The following GPC5 variants were observed in gnomAD, a reference collection of about 807,000 sequenced individuals.
GPC5 encodes the protein glypican-5.
A neutral mutation model predicts 53.9 loss-of-function variants in GPC5; 47 were observed. That is an observed-to-expected ratio of 0.87 (90% CI 0.69 to 1.11). GPC5 has a LOEUF of 1.11. GPC5 is among the 50% of genes most tolerant of loss of function. GPC5 has a pLI of 0.00. For synonymous variants in GPC5, 286 were observed against 263.3 expected (o/e 1.09, Z -0.84); for missense variants, 748 against 713.1 (o/e 1.05, Z -0.56).
chr13:92,638,243 T>C (rs1220870661), intron 7 of GPC5, among the ~76,000 whole-genome samples: 1 of 152,202 alleles, frequency 6.6e-6, no homozygotes, highest in African/African-American at 2.4e-5. Context: ...CCAAAGTCTC[T>C]TATTTTCTTG....
chr13:92,010,929 A>G (rs1439742280), intron 6 of GPC5, among the ~76,000 whole-genome samples: 1 of 152,198 alleles, frequency 6.6e-6, no homozygotes, highest in Non-Finnish European at 1.5e-5. Context: ...CTATAAGACA[A>G]TATTTCTTAA....
intron 7 of GPC5, among the ~76,000 whole-genome samples, chr13:92,476,732 A>C (rs1434784142): frequency 1.3e-5 from 2 of 149,354 alleles, no homozygotes; most frequent in Admixed American, 6.6e-5. Flanking sequence ...TGATGAGTTC[A>C]TGTCCTTTGT....
At chr13:91,830,414 C>T (rs1228024442) in intron 5 of GPC5, among the ~76,000 whole-genome samples, 1 of 151,810 alleles carries the variant, frequency 6.6e-6, no homozygotes, top group Non-Finnish European at 1.5e-5. Flanking sequence ...ACAATTATCA[C>T]AGGGTCGTGA....
chr13:92,401,580 C>A (rs1434794862), intron 7 of GPC5, among the ~76,000 whole-genome samples: 1 of 151,972 alleles, frequency 6.6e-6, no homozygotes, highest in Admixed American at 6.5e-5. Context: ...TGGTGTCCTG[C>A]AAAAATTGTA....
At chr13:92,139,826 T>C (rs916281408) in intron 6 of GPC5, among the ~76,000 whole-genome samples, 2 of 152,112 alleles carry the variant, frequency 1.3e-5, no homozygotes, top group African/African-American at 4.8e-5. Flanking sequence ...AAAACACTAT[T>C]CCATTAGATA....
chr13:91,705,887 T>C (rs2036091687), intron 3 of GPC5, among the ~76,000 whole-genome samples: 1 of 150,570 alleles, frequency 6.6e-6, no homozygotes, highest in Non-Finnish European at 1.5e-5. Context: ...TCTTTTCTTT[T>C]TTTTTTTTTT....
At chr13:92,340,811 TC>T (rs2043360057) in intron 7 of GPC5, among the ~76,000 whole-genome samples, 2 of 152,116 alleles carry the variant, frequency 1.3e-5, no homozygotes, top group Admixed American at 1.3e-4. Context: ...AACAACCCAA[TC>T]CGGTTTTTAT....
chr13:92,168,278 G>A (rs1168125377), intron 7 of GPC5, among the ~76,000 whole-genome samples: 1 of 152,080 alleles, frequency 6.6e-6, no homozygotes, highest in Non-Finnish European at 1.5e-5. Flanking sequence ...ATAGGCACTG[G>A]CAAAGATTTC....
chr13:91,975,684 T>G (rs2040293236), intron 6 of GPC5, among the ~76,000 whole-genome samples: 1 of 152,182 alleles, frequency 6.6e-6, no homozygotes, highest in Non-Finnish European at 1.5e-5. Flanking sequence ...GACTGTAAAC[T>G]AATTCAACCA....
At chr13:91,732,648 G>A (rs2036726367) in intron 4 of GPC5, among the ~76,000 whole-genome samples, 1 of 151,920 alleles carries the variant, frequency 6.6e-6, no homozygotes, top group African/African-American at 2.4e-5. Flanking sequence ...GTGTTTCTAT[G>A]GTTTGGGGTT....
chr13:91,639,100 A>G (rs560121465), intron 2 of GPC5, among the ~76,000 whole-genome samples: 39 of 152,340 alleles, frequency 2.6e-4, no homozygotes, highest in East Asian at 1.5e-3. Context: ...AATTTAGAAA[A>G]AATGTGAGTT....
chr13:92,247,594 T>C (rs889914139), intron 7 of GPC5, among the ~76,000 whole-genome samples: 1 of 152,132 alleles, frequency 6.6e-6, no homozygotes, highest in South Asian at 2.1e-4. Context: ...CTGCCCCTTA[T>C]GTTTGTTGCA....
chr13:92,620,899 A>G (rs1263522313), intron 7 of GPC5, among the ~76,000 whole-genome samples: 1 of 152,200 alleles, frequency 6.6e-6, no homozygotes, highest in Non-Finnish European at 1.5e-5. Flanking sequence ...TCTCAGGTAA[A>G]TAGTATAGCT....
intron 1 of GPC5, among the ~76,000 whole-genome samples, chr13:91,444,366 T>C (rs1880638764): frequency 6.6e-6 from 1 of 152,168 alleles, no homozygotes; most frequent in South Asian, 2.1e-4. Flanking sequence ...GAGCATATCA[T>C]TCCAGCATAT....
intron 7 of GPC5, among the ~76,000 whole-genome samples, chr13:92,397,163 G>A (rs1297335823): frequency 6.6e-6 from 1 of 152,174 alleles, no homozygotes; most frequent in Non-Finnish European, 1.5e-5. Flanking sequence ...TTATGCATGT[G>A]ATGTGGTTCG....
intron 2 of GPC5, among the ~76,000 whole-genome samples, chr13:91,652,090 A>G (rs1370231091): frequency 6.6e-6 from 1 of 152,218 alleles, no homozygotes; most frequent in Non-Finnish European, 1.5e-5. Flanking sequence ...CTTATCTGCA[A>G]ATAGGTTCCA....
intron 6 of GPC5, among the ~76,000 whole-genome samples, chr13:91,972,864 G>T (rs2040257728): frequency 6.6e-6 from 1 of 152,196 alleles, no homozygotes; most frequent in African/African-American, 2.4e-5. Context: ...TTCCCTTTGT[G>T]GGTAACCCTA....
At chr13:92,153,881 A>G (rs2041924605) in intron 7 of GPC5, among the ~76,000 whole-genome samples, 1 of 152,236 alleles carries the variant, frequency 6.6e-6, no homozygotes, top group Non-Finnish European at 1.5e-5. Context: ...AAACAAGTAT[A>G]TGACAAATTT....
At chr13:91,762,085 CTTGA>C (rs970534117) in intron 5 of GPC5, among the ~76,000 whole-genome samples, 6 of 152,220 alleles carry the variant, frequency 3.9e-5, no homozygotes, top group African/African-American at 1.2e-4. Context: ...TCTACTTCAT[CTTGA>C]TTAAGTTAAT....
Sources: gnomAD v4.1 joint callset for allele counts (sites outside exome capture counted in the v4.1 genomes callset) on GRCh38, gnomAD v4.1.1 for gene constraint, MANE v1.5 for transcripts, NCBI Gene and HGNC (gene_info 2026-07-23, HGNC 2026-07-21) for gene names.